ANO5: variants seen among roughly 807,000 people sequenced by gnomAD.
The protein encoded by ANO5 is anoctamin 5.
ANO5 carries 109 observed loss-of-function variants against 121.0 expected under a neutral mutation model. The observed-to-expected ratio is 0.90, with a 90% CI of 0.77 to 1.06. The LOEUF (loss-of-function observed/expected upper bound fraction) is 1.06. ANO5 is among the 50% of genes least tolerant of loss of function. The probability of loss-of-function intolerance (pLI) is 0.00; values close to 1 mark genes in which losing one functional copy is unlikely to be tolerated. For synonymous variants in ANO5, 406 were observed against 359.9 expected (o/e 1.13, Z -1.45); for missense variants, 1,064 against 1,078.5 (o/e 0.99, Z 0.19).
intron 13 of ANO5, 106 bp downstream of exon 13, chr11:22,255,628 C>A: frequency 7.6e-7 from 1 of 1,309,470 alleles, no homozygotes; most frequent in Non-Finnish European, 1.1e-6. Context: ...TATTCTGCAA[C>A]GTATAAATCA....
At chr11:22,195,053 T>A (rs1851763589) in intron 1 of ANO5, among the ~76,000 whole-genome samples, 1 of 152,352 alleles carries the variant, frequency 6.6e-6, no homozygotes, top group Admixed American at 6.5e-5. Context: ...CCATCAATAA[T>A]GTATGAGGGT....
rs747080002 is a variant in ANO5, at chr11:22,276,095, T to G, written c.2416T>G (p.Tyr806Asp). ...SEKRDFITCR[Y>D]RDYRYPPDDE... ...TTTGCATTTACTTCCACTTTTCAGG[T>G]ACAGAGATTACAGATATCCTCCTGA... Residue 806 changes from tyrosine (Y) to aspartate (D), a missense_variant and splice_region_variant, in exon 21 of 22, where the codon TAC (tyrosine) becomes GAC (aspartate). Physicochemically the swap from Tyr to Asp is radical, Grantham distance 160 (BLOSUM62 -3). Coordinates refer to ENST00000324559, the MANE Select transcript of ANO5 (RefSeq NM_213599.3). The G allele has an allele frequency of 3.8e-6, 6 of 1,595,442 alleles. No individual in the cohort carries two copies. In the East Asian group the frequency reaches 1.1e-4, roughly 30 times the overall value.
At position 22,259,546 on chromosome 11, in the gene ANO5, G is replaced by T. The variant is rs1484366063; in HGVS notation, c.1435G>T (p.Ala479Ser). 1 of 1,614,146 alleles carries T rather than the reference G, an allele frequency of 6.2e-7. No individual in the cohort carries two copies. The highest frequency in any genetic ancestry group is 1.1e-5 in the South Asian group (1 of 91,084). The stretch of plus-strand genomic sequence containing the variant: ...GTCTCTTGTCGTCACCAGTATGGTA[G>T]CTGTAATTGTGTACCGCCTGTCAGT... Reference protein sequence around the residue: ...WMSLVVTSMVAVIVYRLSVFA... With the variant: ...WMSLVVTSMVSVIVYRLSVFA... Residue 479 changes from alanine to serine, a missense_variant, in exon 15 of 22, where the codon GCT (alanine) becomes TCT (serine). By Grantham distance (99) the Ala-to-Ser change is moderately conservative. Transcript: ENST00000324559.
At chr11:22,205,791 T>A (rs1000535031) in intron 2 of ANO5, among the ~76,000 whole-genome samples, 1 of 152,080 alleles carries the variant, frequency 6.6e-6, no homozygotes, top group Non-Finnish European at 1.5e-5. Flanking sequence ...CATATCAATA[T>A]GGAATTTGTA....
intron 17 of ANO5, among the ~76,000 whole-genome samples, chr11:22,265,492 G>A (rs1329382454): frequency 6.6e-6 from 1 of 152,042 alleles, no homozygotes; most frequent in African/African-American, 2.4e-5. Flanking sequence ...TGAAAGTACA[G>A]GATGCAAGAA....
intron 9 of ANO5, among the ~76,000 whole-genome samples, chr11:22,240,809 AT>A (rs1491427624): frequency 4.9e-5 from 1 of 20,408 alleles, no homozygotes; most frequent in Non-Finnish European, 4.1e-4. Flanking sequence ...AAGCAGAAAC[AT>A]TTTTTTTTCT....
Position 22,218,279 on chromosome 11 carries a change from C to A in ANO5, c.172C>A (p.Arg58=). The A allele has an allele frequency of 6.2e-7, 1 of 1,613,322 alleles. No individual in the cohort carries two copies. Among genetic ancestry groups the A allele is most frequent in the Non-Finnish European group, 8.5e-7 (1 of 1,179,656 alleles). Residue 58 remains arginine (R), a synonymous_variant, in exon 4 of 22, where the codon CGG becomes AGG. Coordinates refer to ENST00000324559, the MANE Select transcript of ANO5 (RefSeq NM_213599.3). The stretch of plus-strand genomic sequence containing the variant: ...GCGATTCAATTTGTTCCTGAGGCGG[C>A]GGCTTATGGTAAAACCAGTGCTGAA... ...AKRFNLFLRR[R]LMFQKNQQSK...
rs7108392 is a variant in ANO5, at chr11:22,259,922, A to G, written c.1630+181A>G. 0.066 allele frequency among the ~76,000 whole-genome samples: 9,726 copies of G among 148,334 alleles called. 1,069 individuals are homozygous for G. The highest frequency in any genetic ancestry group is 0.23 in the African/African-American group (9,263 of 40,658). ...GCTCAAGAGCCACCATTCAAGGTCC[A>G]TTATAAAGGAAGAGGCAAAATAACT... On this transcript the variant is annotated intron_variant, in intron 15 of 21. Transcript: ENST00000324559.
At chr11:22,276,662 C>A (rs1404504400) in intron 21 of ANO5, among the ~76,000 whole-genome samples, 1 of 151,568 alleles carries the variant, frequency 6.6e-6, no homozygotes, top group Non-Finnish European at 1.5e-5. Context: ...TGCCTCACTC[C>A]CAAGCTTATG....
intron 21 of ANO5, among the ~76,000 whole-genome samples, chr11:22,276,429 C>T (rs367721559): frequency 6.6e-6 from 1 of 151,660 alleles, no homozygotes; most frequent in East Asian, 1.9e-4. Context: ...GAAAGGAAAA[C>T]AAATATGGTT....
chr11:22,263,219 T>TTTTA (rs1388274244), intron 17 of ANO5, among the ~76,000 whole-genome samples, 176 bp downstream of exon 17: 2 of 152,074 alleles, frequency 1.3e-5, no homozygotes, highest in East Asian at 1.9e-4. Context: ...AAACTCTTAT[T>TTTTA]TTTATTTATT....
At chr11:22,235,613 C>G (rs1178703833) in intron 7 of ANO5, among the ~76,000 whole-genome samples, 2 of 152,008 alleles carry the variant, frequency 1.3e-5, no homozygotes, top group Non-Finnish European at 2.9e-5. Flanking sequence ...CACAGAAATA[C>G]AAGAGCAGAG....
chr11:22,267,508 T>TTTTATATA (rs1554932860), intron 17 of ANO5, among the ~76,000 whole-genome samples: 11 of 126,100 alleles, frequency 8.7e-5, no homozygotes, highest in African/African-American at 5.1e-4. Flanking sequence ...ATATCTACAA[T>TTTTATATA]TATATATATA....
intron 7 of ANO5, among the ~76,000 whole-genome samples, chr11:22,233,779 A>C (rs1338991134): frequency 6.6e-6 from 1 of 151,254 alleles, no homozygotes; most frequent in South Asian, 2.1e-4. Flanking sequence ...ACTTTGGCTA[A>C]TTTTCTCAAA....
intron 21 of ANO5, among the ~76,000 whole-genome samples, chr11:22,276,600 G>A (rs907373818): frequency 2.6e-5 from 4 of 151,736 alleles, no homozygotes; most frequent in Non-Finnish European, 4.4e-5. Context: ...AAAATAAGTA[G>A]CTGGCTTAAC....
Position 22,239,640 on chromosome 11 carries a change from T to C in ANO5, c.834T>C (p.Ala278=). Residue 278 remains alanine, a synonymous_variant, in exon 9 of 22, where the codon GCT becomes GCC. Transcript: ENST00000324559. ...GATACACACTTCACCAGAATTGGGC[T>C]CGATTTTCCTATTTCTACAAGGAGC... ...NERYTLHQNW[A]RFSYFYKEQP... The C allele has an allele frequency of 6.2e-7, 1 of 1,612,828 alleles. No individual in the cohort carries two copies. Among genetic ancestry groups the C allele is most frequent in the East Asian group, 2.2e-5 (1 of 44,780 alleles).
chr11:22,193,081 G>A (rs1851696536), upstream of ANO5: 1 of 1,069,516 alleles, frequency 9.4e-7, no homozygotes, highest in South Asian at 2.8e-5. Context: ...CAGAGGGCAG[G>A]AGTGGAAAGG....
At chr11:22,227,941 A>G (rs1353382760) in intron 7 of ANO5, among the ~76,000 whole-genome samples, 1 of 152,164 alleles carries the variant, frequency 6.6e-6, no homozygotes, top group African/African-American at 2.4e-5. Context: ...CAGTCAGTGC[A>G]TAGTAAAGGA....
chr11:22,261,185 A>G (rs565937295), intron 15 of ANO5: 2 of 152,354 alleles, frequency 1.3e-5, no homozygotes, highest in South Asian at 2.1e-4. Flanking sequence ...TCACACTGCT[A>G]TAAAGATACT....
Sources: gnomAD v4.1 joint callset for allele counts (sites outside exome capture counted in the v4.1 genomes callset) on GRCh38, gnomAD v4.1.1 for gene constraint, MANE v1.5 for transcripts, NCBI Gene and HGNC (gene_info 2026-07-23, HGNC 2026-07-21) for gene names.